Variants in POT1 observed in about 807,000 individuals in gnomAD.
POT1 encodes the protein protection of telomeres protein 1.
A neutral mutation model predicts 78.5 loss-of-function variants in POT1; 47 were observed. That is an observed-to-expected ratio of 0.60 (90% confidence interval 0.47 to 0.76). The LOEUF is 0.76. Ranked by LOEUF, POT1 falls within the 30% of genes least tolerant of loss-of-function variation. The pLI, the probability that POT1 is intolerant of heterozygous loss-of-function variation, is 0.00. For missense variants in POT1, 646 were observed against 749.9 expected (o/e 0.86, Z 1.62); for synonymous variants, 259 against 260.7 (o/e 0.99, Z 0.06).
intron 13 of POT1, among the ~76,000 whole-genome samples, 191 bp downstream of exon 13, chr7:124,842,616 C>T (rs1399744970): frequency 6.6e-6 from 1 of 151,876 alleles, no homozygotes; most frequent in Non-Finnish European, 1.5e-5. Context: ...GAAAATAGCA[C>T]CCACTTTTAT....
chr7:124,867,902 T>A (rs1795770882), intron 7 of POT1, among the ~76,000 whole-genome samples: 1 of 152,104 alleles, frequency 6.6e-6, no homozygotes, highest in South Asian at 2.1e-4. Flanking sequence ...CACCTAGCCC[T>A]CCCAAAGTGC....
At position 124,904,886 on chromosome 7, in the gene POT1, A is replaced by G. The variant is rs536783341; in HGVS notation, c.-153-6512T>C. On this transcript the variant is annotated intron_variant, in intron 3 of 18. Transcript: ENST00000357628. ...ACAGCCAAATCATGAGTGAACTCCC[A>G]TTCACAATTGCTTCAAAGAGAATAA... 1.2e-3 allele frequency among the ~76,000 whole-genome samples: 185 copies of G among 152,328 alleles called. 1 individual carries two copies. The highest frequency in any genetic ancestry group is 4.2e-3 in the African/African-American group (175 of 41,572).
intron 2 of POT1, among the ~76,000 whole-genome samples, chr7:124,920,103 A>C (rs550196712): frequency 2.0e-5 from 3 of 152,182 alleles, no homozygotes; most frequent in Non-Finnish European, 1.5e-5. Flanking sequence ...CCTTTACTCA[A>C]ATGAAATAAA....
rs1406342675 is a variant in POT1, at chr7:124,850,734, A to G, written c.949+1138T>C. ...GAGACAGAGCAAGACTCTGTCTCAA[A>G]AAAAAACAAAACAAACAAACAAACA... On this transcript the variant is annotated intron_variant, in intron 11 of 18. Coordinates refer to ENST00000357628, the MANE Select transcript of POT1 (RefSeq NM_015450.3). 1.2e-4 allele frequency among the ~76,000 whole-genome samples: 18 copies of G among 152,248 alleles called. No homozygotes were observed. The East Asian group carries it at 3.3e-3, about 28-fold the overall frequency.
chr7:124,902,575 C>T (rs1381039149), intron 3 of POT1, among the ~76,000 whole-genome samples: 3 of 152,128 alleles, frequency 2.0e-5, no homozygotes, highest in African/African-American at 7.2e-5. Context: ...AAAAACATGC[C>T]AAATTGTAAA....
intron 15 of POT1, among the ~76,000 whole-genome samples, chr7:124,832,163 A>T (rs890644766): frequency 1.4e-5 from 2 of 147,632 alleles, no homozygotes; most frequent in Non-Finnish European, 3.0e-5. Context: ...GGAGGCTGAG[A>T]TAGTAGGATT....
intron 16 of POT1, among the ~76,000 whole-genome samples, chr7:124,828,133 T>G (rs1367293089): frequency 6.6e-6 from 1 of 152,170 alleles, no homozygotes; most frequent in East Asian, 1.9e-4. Context: ...GTTAGTTTTA[T>G]GAAAGATAAA....
At chr7:124,920,501 T>C (rs1255384413) in intron 2 of POT1, among the ~76,000 whole-genome samples, 7 of 152,198 alleles carry the variant, frequency 4.6e-5, no homozygotes, top group African/African-American at 1.7e-4. Context: ...CATTTGCACG[T>C]ATTCGTCAAA....
At position 124,841,117 on chromosome 7, in the gene POT1, G is replaced by A. The variant is rs1230052693; in HGVS notation, c.1225C>T (p.Pro409Ser). The A allele has an allele frequency of 2.5e-6, 4 of 1,612,576 alleles. No individual in the cohort carries two copies. Among genetic ancestry groups the A allele is most frequent in the Non-Finnish European group, 3.4e-6 (4 of 1,179,188 alleles). Residue 409 changes from proline (P) to serine (S), a missense_variant, in exon 14 of 19, where the codon CCA (proline) becomes TCA (serine). Physicochemically the swap from Pro to Ser is moderately conservative, Grantham distance 74 (BLOSUM62 -1). This residue lies in a region of POT1 where 394 missense variants were observed against 408.4 expected (regional missense o/e 0.96). Coordinates refer to ENST00000357628, the MANE Select transcript of POT1 (RefSeq NM_015450.3). The stretch of plus-strand genomic sequence containing the variant: ...GATGTATTTTGTAGCTTGACATCTG[G>A]GGTTTTAGTTGCACCATCCTGAAAA... ...IIFQDGATKT[P>S]DVKLQNTSLY... is the part of the protein sequence containing the mutation.
chr7:124,829,699 GATCTATATCTAT>G lies in POT1; in HGVS notation c.1506-369_1506-358del, dbSNP rs60869743. On this transcript the variant is annotated intron_variant, in intron 15 of 18. Coordinates refer to ENST00000357628, the MANE Select transcript of POT1 (RefSeq NM_015450.3). ...ATCTCTAAGAATTCTCTGATTCTAT[GATCTATATCTAT>G]ATCTATATCTATATCTATATATATA... Among the ~76,000 whole-genome samples, 64 of 148,538 alleles carry G rather than the reference GATCTATATCTAT, an allele frequency of 4.3e-4. 1 individual carries two copies. The highest frequency in any genetic ancestry group is 1.7e-3 in the South Asian group (8 of 4,738).
chr7:124,885,293 C>CAAAAAAAA (rs11372618), intron 6 of POT1, among the ~76,000 whole-genome samples: 1 of 63,252 alleles, frequency 1.6e-5, no homozygotes. Context: ...TCCATCTCTC[C>CAAAAAAAA]AAAAAAAAAA....
At chr7:124,826,501 CA>C (rs1794633102) in intron 17 of POT1, among the ~76,000 whole-genome samples, 1 of 152,134 alleles carries the variant, frequency 6.6e-6, no homozygotes, top group African/African-American at 2.4e-5. Context: ...TAGACTGCCT[CA>C]AAACTTTATA....
chr7:124,890,124 A>T (rs1307719111), intron 6 of POT1, among the ~76,000 whole-genome samples: 4 of 151,996 alleles, frequency 2.6e-5, no homozygotes, highest in African/African-American at 9.7e-5. Flanking sequence ...TCAAAATCCA[A>T]CATCAACAGG....
chr7:124,835,239 TAATA>T (rs756309044), intron 15 of POT1, 36 bp downstream of exon 15: 2 of 1,232,102 alleles, frequency 1.6e-6, no homozygotes, highest in Non-Finnish European at 1.1e-6. Flanking sequence ...CTTAAAAGTA[TAATA>T]AACAAAACAA....
rs1308973613 is a variant in POT1, at chr7:124,842,735, A to C, written c.1163+72T>G. 3 of 1,269,746 alleles carry C rather than the reference A, an allele frequency of 2.4e-6. No individual in the cohort carries two copies. In the East Asian group the frequency reaches 8.1e-5, roughly 34 times the overall value. 78.7% of individuals were successfully genotyped at this position (1,269,746 alleles called of 1,614,324 possible). A position where few individuals can be genotyped will look rare whatever the true frequency, so the allele number is the denominator to read the frequency against. ...AACAATTTACTTATTCCTAAGACAC[A>C]AAATTATACATATGTGTACATATAC... On this transcript the variant is annotated intron_variant, in intron 13 of 18. Coordinates refer to ENST00000357628, the MANE Select transcript of POT1 (RefSeq NM_015450.3).
intron 3 of POT1, among the ~76,000 whole-genome samples, chr7:124,901,218 C>T (rs1303193239): frequency 6.6e-6 from 1 of 152,288 alleles, no homozygotes; most frequent in Non-Finnish European, 1.5e-5. Context: ...GTCCCTGACC[C>T]CTGAGTAGAC....
chr7:124,838,977 T>G (rs545363268), intron 14 of POT1, among the ~76,000 whole-genome samples: 1 of 152,194 alleles, frequency 6.6e-6, no homozygotes, highest in African/African-American at 2.4e-5. Flanking sequence ...TACATGGAAA[T>G]GCAAAAGATT....
At chr7:124,890,291 A>C (rs953659566) in intron 6 of POT1, among the ~76,000 whole-genome samples, 2 of 151,960 alleles carry the variant, frequency 1.3e-5, no homozygotes, top group Admixed American at 6.6e-5. Flanking sequence ...TCTCATAATA[A>C]AACTTCAACA....
chr7:124,859,176 T>G, intron 8 of POT1, 64 bp from the exon 9 acceptor site: 1 of 1,306,334 alleles, frequency 7.7e-7, no homozygotes, highest in Non-Finnish European at 1.0e-6. Flanking sequence ...TAAAAAGTTT[T>G]TTCCTGGAAA....
Sources: allele counts gnomAD v4.1 joint callset (sites outside exome capture counted in the v4.1 genomes callset), GRCh38; gene constraint gnomAD v4.1.1; regional missense constraint gnomAD v4.1.1; transcripts MANE v1.5; gene names NCBI Gene and HGNC (gene_info 2026-07-23, HGNC 2026-07-21).